LIPN: variants seen among roughly 807,000 people sequenced by gnomAD.
LIPN encodes the protein lipase member N.
A neutral mutation model predicts 43.7 loss-of-function variants in LIPN; 32 were observed. The ratio of observed to expected loss-of-function variants is 0.73; its 90% CI spans 0.55 to 0.98. The LOEUF (loss-of-function observed/expected upper bound fraction) is 0.98. LIPN is among the 50% of genes least tolerant of loss of function. The pLI is 0.00. For synonymous variants in LIPN, 156 were observed against 157.6 expected, an observed-to-expected ratio of 0.99 and a Z score of 0.08; for missense variants, 505 against 483.8, an observed-to-expected ratio of 1.04 and a Z score of -0.41.
chr10:88,758,246 T>C (rs434133), upstream of LIPN, among the ~76,000 whole-genome samples: 36,181 of 151,700 alleles, frequency 0.24, 4,464 homozygotes, highest in East Asian at 0.36. Flanking sequence ...ATTGAATGAG[T>C]AACCATCATT....
chr10:88,761,248 G>A (rs530956993), intron 1 of LIPN, among the ~76,000 whole-genome samples, 150 bp from the exon 2 acceptor site: 4 of 152,130 alleles, frequency 2.6e-5, no homozygotes, highest in Admixed American at 6.6e-5. Context: ...CTCCAAGTTA[G>A]TTCACTGTAT....
chr10:88,774,579 TTATTTTCAA>T (rs1279558025), intron 8 of LIPN, 35 bp downstream of exon 8: 2 of 1,508,848 alleles, frequency 1.3e-6, no homozygotes, highest in African/African-American at 2.7e-5. Flanking sequence ...ATTCCAATCC[TTATTTTCAA>T]TATATTTAAA....
At chr10:88,759,968 G>A (rs777543815), upstream of LIPN, among the ~76,000 whole-genome samples, 2 of 152,004 alleles carry the variant, frequency 1.3e-5, no homozygotes, top group Admixed American at 6.6e-5. Context: ...CTTTTCACAA[G>A]CTTCCTGTTT....
At chr10:88,772,196 A>T in intron 7 of LIPN, among the ~76,000 whole-genome samples, 1 of 151,560 alleles carries the variant, frequency 6.6e-6, no homozygotes, top group Non-Finnish European at 1.5e-5. Context: ...ATTTTCTCTC[A>T]TTCAACAGGT....
intron 6 of LIPN, among the ~76,000 whole-genome samples, chr10:88,770,606 T>C (rs1843188151): frequency 6.6e-6 from 1 of 151,848 alleles, no homozygotes; most frequent in African/African-American, 2.4e-5. Flanking sequence ...TCTCCTTGAC[T>C]GAATCAGTAA....
intron 5 of LIPN, among the ~76,000 whole-genome samples, 198 bp downstream of exon 5, chr10:88,766,576 T>C (rs150901032): frequency 3.4e-3 from 512 of 152,064 alleles, no homozygotes; most frequent in African/African-American, 0.012. Flanking sequence ...GGGCAAACCT[T>C]TCCTGGGTCT....
chr10:88,761,298 A>G, intron 1 of LIPN, 100 bp from the exon 2 acceptor site: 2 of 760,984 alleles, frequency 2.6e-6, no homozygotes, highest in Non-Finnish European at 4.6e-6. Flanking sequence ...GGTGTTATTC[A>G]AGTTTTCATT....
At chr10:88,777,041 TA>T (rs2133033777) in intron 9 of LIPN, among the ~76,000 whole-genome samples, 2 of 152,230 alleles carry the variant, frequency 1.3e-5, no homozygotes, top group South Asian at 4.1e-4. Context: ...TTCTTCTACT[TA>T]CTCCTTAACC....
At chr10:88,766,233 G>A (rs761503586) in intron 4 of LIPN, 36 bp from the exon 5 acceptor site, 1 of 1,003,344 alleles carries the variant, frequency 1.0e-6, no homozygotes, top group Non-Finnish European at 1.6e-6. Context: ...ACTTAAACTT[G>A]CAAGTATTTA....
chr10:88,770,948 T>G lies in LIPN; in HGVS notation c.776T>G (p.Phe259Cys). 6.4e-7 allele frequency: 1 copy of G among 1,569,172 alleles called. No individual in the cohort carries two copies. Among genetic ancestry groups the G allele is most frequent in the Non-Finnish European group, 8.7e-7 (1 of 1,154,968 alleles). The change falls in exon 7 of 10, where the codon TTT (phenylalanine) becomes TGT (cysteine). Residue 259 changes from phenylalanine to cysteine, a missense_variant. Physicochemically the swap from Phe to Cys is radical, Grantham distance 205 (BLOSUM62 -2). Transcript: ENST00000404459. Reference sequence around the variant, plus strand: ...ATACTCTGGTTGATATGTAGCGAATTTATGTCCTTATGGGCTGGATCCAAC... The same window carrying G: ...ATACTCTGGTTGATATGTAGCGAATGTATGTCCTTATGGGCTGGATCCAAC... ...NKILWLICSE[F>C]MSLWAGSNKK...
intron 1 of LIPN, among the ~76,000 whole-genome samples, 151 bp from the exon 2 acceptor site, chr10:88,761,247 A>T: frequency 6.6e-6 from 1 of 152,142 alleles, no homozygotes; most frequent in East Asian, 1.9e-4. Context: ...GCTCCAAGTT[A>T]GTTCACTGTA....
rs34710850 is a variant in LIPN, at chr10:88,771,173, C to T, written c.819+182C>T. Among the ~76,000 whole-genome samples, 6,537 of 151,724 alleles carry T rather than the reference C, an allele frequency of 0.043. 208 individuals are homozygous for T. The highest frequency in any genetic ancestry group is 0.058 in the Non-Finnish European group (3,927 of 67,800). ...AATAGTTGTACATATTTATGAGACA[C>T]ATATATTTTGATATAAGCATACAAT... is the stretch of plus-strand genomic sequence containing the variant. On this transcript the variant is annotated intron_variant, in intron 7 of 9. Coordinates refer to ENST00000404459, the MANE Select transcript of LIPN (RefSeq NM_001102469.2).
rs755293361 is a variant in LIPN, at chr10:88,761,391, AT to A, written c.-8-6del. On this transcript the variant is annotated splice_region_variant and splice_polypyrimidine_tract_variant and intron_variant, in intron 1 of 9. Coordinates refer to ENST00000404459, the MANE Select transcript of LIPN (RefSeq NM_001102469.2). ...TTAATCTGTGAATATTAAATGTTTT[AT>A]GCCAGGCATTTCTATGATGTGGCTG... is the stretch of plus-strand genomic sequence containing the variant. 10 of 1,492,592 alleles carry A rather than the reference AT, an allele frequency of 6.7e-6. No homozygotes were observed. The highest frequency in any genetic ancestry group is 8.4e-6 in the Non-Finnish European group (9 of 1,070,210). 92.5% of individuals were successfully genotyped at this position (1,492,592 alleles called of 1,614,324 possible).
chr10:88,778,177 T>G lies in LIPN; in HGVS notation c.1132T>G (p.Trp378Gly). The G allele has an allele frequency of 6.2e-7, 1 of 1,613,400 alleles. No homozygotes were observed. The highest frequency in any genetic ancestry group is 8.5e-7 in the Non-Finnish European group (1 of 1,179,632). Residue 378 changes from tryptophan (W) to glycine (G), a missense_variant, in exon 10 of 10, where the codon TGG (tryptophan) becomes GGG (glycine). Coordinates refer to ENST00000404459, the MANE Select transcript of LIPN (RefSeq NM_001102469.2). ...LPDWNHFDFVWGLDAPQRMYS... is the reference protein window; with the variant it reads ...LPDWNHFDFVGGLDAPQRMYS... ...AGATTGGAACCACTTTGATTTTGTC[T>G]GGGGCCTCGATGCCCCTCAACGGAT...
Position 88,778,149 on chromosome 10 carries a change from G to A in LIPN, c.1104G>A (p.Leu368=), listed in dbSNP as rs1382127514. ...AGAGTCTTCATTACTTTAAGCTATTGCCAGATTGGAACCACTTTGATTTTG... is the reference window on the plus strand; with the variant it reads ...AGAGTCTTCATTACTTTAAGCTATTACCAGATTGGAACCACTTTGATTTTG... The part of the protein sequence containing the change: ...QIKSLHYFKL[L]PDWNHFDFVW... Residue 368 remains leucine, a synonymous_variant, in exon 10 of 10, where the codon TTG becomes TTA. Transcript: ENST00000404459. 11 of 1,613,502 alleles carry A rather than the reference G, an allele frequency of 6.8e-6. No homozygotes were observed. Among genetic ancestry groups the A allele is most frequent in the Non-Finnish European group, 9.3e-6 (11 of 1,179,694 alleles).
In LIPN at chr10:88,777,879, T is replaced by C. The variant is rs1843320630; in HGVS notation, c.964-130T>C. The C allele has an allele frequency of 5.1e-6, 3 of 587,238 alleles. No homozygotes were observed. The African/African-American group carries it at 5.6e-5, about 11-fold the overall frequency. The allele number at this position is 587,238 out of a possible 1,614,324, so 36.4% of individuals were successfully genotyped here. A position where few individuals can be genotyped will look rare whatever the true frequency, so the allele number is the denominator to read the frequency against. On this transcript the variant is annotated intron_variant, in intron 9 of 9. Transcript: ENST00000404459. The stretch of plus-strand genomic sequence containing the variant: ...CAAATTTCTTAAAGGTAGAGACCAT[T>C]GTATGTTTTCTTCATATGTTGCTGG...
Position 88,775,288 on chromosome 10 carries a change from A to G in LIPN, c.963+125A>G, listed in dbSNP as rs1843279146. ...TATACTGATAGAACTTTTTTTTAAA[A>G]AAATTTTAATTTTAATTTTAATTTA... On this transcript the variant is annotated intron_variant, in intron 9 of 9. Transcript: ENST00000404459. The G allele has an allele frequency of 1.5e-5, 7 of 467,590 alleles. No individual in the cohort carries two copies. In the East Asian group the frequency reaches 2.8e-4, roughly 19 times the overall value. The allele number at this position is 467,590 out of a possible 1,614,324, so 29.0% of individuals were successfully genotyped here. A position where few individuals can be genotyped will look rare whatever the true frequency, so the allele number is the denominator to read the frequency against.
intron 3 of LIPN, among the ~76,000 whole-genome samples, chr10:88,763,593 A>G (rs1279535000): frequency 6.6e-6 from 1 of 152,072 alleles, no homozygotes; most frequent in Non-Finnish European, 1.5e-5. Flanking sequence ...AGAGGCCTAA[A>G]GTCCACAAAT....
chr10:88,757,870 A>G (rs1162524993), upstream of LIPN, among the ~76,000 whole-genome samples: 4 of 152,166 alleles, frequency 2.6e-5, no homozygotes, highest in South Asian at 6.2e-4. Flanking sequence ...TGCAAAATAA[A>G]TTAGATAAAT....
Sources: allele counts gnomAD v4.1 joint callset (sites outside exome capture counted in the v4.1 genomes callset), GRCh38; gene constraint gnomAD v4.1.1; transcripts MANE v1.5; gene names NCBI Gene and HGNC (gene_info 2026-07-23, HGNC 2026-07-21).